The following HAVCR1 variants were observed in gnomAD, a reference collection of about 807,000 sequenced individuals.
The protein encoded by HAVCR1 is T cell immunoglobin domain and mucin domain protein 1.
A neutral mutation model predicts 32.0 loss-of-function variants in HAVCR1; 34 were observed. That is an observed-to-expected ratio of 1.06 (90% CI 0.81 to 1.42). The LOEUF is 1.42. Ranked by LOEUF, HAVCR1 falls within the 40% of genes most tolerant of loss-of-function variation. The probability of loss-of-function intolerance (pLI) is 0.00; values close to 1 mark genes in which losing one functional copy is unlikely to be tolerated. For synonymous variants in HAVCR1, 178 were observed against 170.3 expected (o/e 1.05, Z -0.35); for missense variants, 420 against 442.3 (o/e 0.95, Z 0.45).
chr5:157,038,637 A>G (rs1450779584), intron 6 of HAVCR1, among the ~76,000 whole-genome samples: 1 of 152,190 alleles, frequency 6.6e-6, no homozygotes, highest in Non-Finnish European at 1.5e-5. Flanking sequence ...GCTTGCTTAG[A>G]AGCGGCATAG....
At chr5:157,039,671 A>G (rs1318510905) in intron 6 of HAVCR1, among the ~76,000 whole-genome samples, 12 of 152,222 alleles carry the variant, frequency 7.9e-5, no homozygotes, top group Non-Finnish European at 1.6e-4. Flanking sequence ...CTTTACGGCA[A>G]TACGTGCACA....
At position 157,029,659 on chromosome 5, in the gene HAVCR1, G is replaced by A; in HGVS notation, c.*74C>T. 6.2e-7 allele frequency: 1 copy of A among 1,601,132 alleles called. No homozygotes were observed. Among genetic ancestry groups the A allele is most frequent in the Non-Finnish European group, 8.5e-7 (1 of 1,175,228 alleles). On this transcript the variant is annotated 3_prime_UTR_variant, in exon 9 of 9. Transcript: ENST00000523175. ...AGAAAAATTGTCTTGGGGTCTAAAAGACGTCTGATGTGCTGATGTCTGTTC... is the reference window on the plus strand; with the variant it reads ...AGAAAAATTGTCTTGGGGTCTAAAAAACGTCTGATGTGCTGATGTCTGTTC...
chr5:157,037,422 T>C, intron 6 of HAVCR1, 61 bp from the exon 7 acceptor site: 1 of 807,674 alleles, frequency 1.2e-6, no homozygotes, highest in Non-Finnish European at 2.1e-6. Flanking sequence ...GAGAAAACAT[T>C]TCCCAGAATC....
In HAVCR1 at chr5:157,047,565, A is replaced by G. The variant is rs202222796; in HGVS notation, c.781+1473T>C. Among the ~76,000 whole-genome samples, 119 of 149,638 alleles carry G rather than the reference A, an allele frequency of 8.0e-4. 4 individuals are homozygous for G. In the East Asian group the frequency reaches 0.021, roughly 27 times the overall value. On this transcript the variant is annotated intron_variant, in intron 5 of 8. Coordinates refer to ENST00000523175, the MANE Select transcript of HAVCR1 (RefSeq NM_001173393.3). The stretch of plus-strand genomic sequence containing the variant: ...AAGACTCCGTCTCAAAAAAAAAAAA[A>G]GTACAAGAAGACTAGGTTTTGAGAG...
At chr5:157,034,450 G>T (rs1238420398) in intron 7 of HAVCR1, among the ~76,000 whole-genome samples, 1 of 151,744 alleles carries the variant, frequency 6.6e-6, no homozygotes, top group Non-Finnish European at 1.5e-5. Context: ...TAGAATGTAT[G>T]ATCGGGTTTT....
In HAVCR1 at chr5:157,044,649, G is replaced by GAAAGAAAGAAAGAAAGAA. The variant is rs1561591504; in HGVS notation, c.782-1985_782-1968dup. Among the ~76,000 whole-genome samples, 11 of 117,566 alleles carry GAAAGAAAGAAAGAAAGAA rather than the reference G, an allele frequency of 9.4e-5. No individual in the cohort carries two copies. In the East Asian group the frequency reaches 1.3e-3, roughly 14 times the overall value. The allele number at this position is 117,566 out of a possible 152,430, so 77.1% of individuals were successfully genotyped here. On this transcript the variant is annotated intron_variant, in intron 5 of 8. Transcript: ENST00000523175. ...AGAAAGAAAGAAAGAAAGAAAGAAA[G>GAAAGAAAGAAAGAAAGAA]AAAGAAAGAAAGAAAGAAAGAAAGA...
intron 8 of HAVCR1, 122 bp from the exon 9 acceptor site, chr5:157,029,963 G>A (rs772606297): frequency 5.8e-6 from 4 of 686,218 alleles, no homozygotes; most frequent in Non-Finnish European, 9.7e-6. Context: ...CAGGAGCCCC[G>A]TTCACACAAA....
upstream of HAVCR1, among the ~76,000 whole-genome samples, chr5:157,059,983 G>C (rs945641081): frequency 7.3e-5 from 11 of 151,316 alleles, no homozygotes; most frequent in Admixed American, 4.6e-4. Context: ...TGTTTCTTAA[G>C]GAAAAAAAGA....
chr5:157,053,108 T>A (rs1233315467), intron 3 of HAVCR1, among the ~76,000 whole-genome samples: 1 of 152,098 alleles, frequency 6.6e-6, no homozygotes, highest in Admixed American at 6.5e-5. Flanking sequence ...TTGTAGAGAC[T>A]GGGCGTGGTG....
intron 8 of HAVCR1, among the ~76,000 whole-genome samples, chr5:157,030,985 G>GT (rs1441354253): frequency 6.7e-6 from 1 of 148,546 alleles, no homozygotes; most frequent in Non-Finnish European, 1.5e-5. Flanking sequence ...TCATGAAGAA[G>GT]TGTTCATAAT....
At chr5:157,053,805 G>A (rs1010229517) in intron 3 of HAVCR1, among the ~76,000 whole-genome samples, 1 of 151,802 alleles carries the variant, frequency 6.6e-6, no homozygotes, top group African/African-American at 2.4e-5. Flanking sequence ...AGGAGGCAGA[G>A]GTTGCAGTGA....
At chr5:157,037,728 A>C (rs1754620592) in intron 6 of HAVCR1, among the ~76,000 whole-genome samples, 1 of 152,176 alleles carries the variant, frequency 6.6e-6, no homozygotes, top group Non-Finnish European at 1.5e-5. Flanking sequence ...TTGTGATATT[A>C]AAAAAGAAAA....
At chr5:157,032,596 C>A (rs1754244343) in intron 8 of HAVCR1, among the ~76,000 whole-genome samples, 1 of 152,214 alleles carries the variant, frequency 6.6e-6, no homozygotes, top group Admixed American at 6.5e-5. Flanking sequence ...TCGAGCAAAT[C>A]TTGCAATTTA....
intron 6 of HAVCR1, among the ~76,000 whole-genome samples, chr5:157,039,445 T>A (rs1754731668): frequency 6.6e-6 from 1 of 152,136 alleles, no homozygotes; most frequent in Non-Finnish European, 1.5e-5. Flanking sequence ...ACCTCCTGGG[T>A]TGAAGCGATT....
intron 5 of HAVCR1, among the ~76,000 whole-genome samples, chr5:157,046,869 G>T (rs1008752857): frequency 1.6e-4 from 24 of 152,092 alleles, no homozygotes; most frequent in Non-Finnish European, 3.1e-4. Context: ...TGAAGGCGGG[G>T]CTCTCATGAC....
At chr5:157,067,508 TA>T in the HAVCR1 span, among the ~76,000 whole-genome samples, 1 of 151,920 alleles carries the variant, frequency 6.6e-6, no homozygotes, top group South Asian at 2.1e-4. Flanking sequence ...CTACAAAAAA[TA>T]AAAATAAAAA....
At chr5:157,052,735 A>C (rs1252812415) in intron 3 of HAVCR1, 81 bp from the exon 4 acceptor site, 3 of 1,153,608 alleles carry the variant, frequency 2.6e-6, no homozygotes, top group East Asian at 4.7e-5. Flanking sequence ...ACCCTAGCAC[A>C]CCAATGACAG....
At chr5:157,067,781 C>T in the HAVCR1 span, among the ~76,000 whole-genome samples, 16 of 152,110 alleles carry the variant, frequency 1.1e-4, no homozygotes, top group East Asian at 9.7e-4. Flanking sequence ...CTCCGCCTCC[C>T]GGGTTAAAGC....
chr5:157,055,126 C>T, intron 3 of HAVCR1, 75 bp downstream of exon 3: 1 of 771,596 alleles, frequency 1.3e-6, no homozygotes, highest in Non-Finnish European at 2.1e-6. Flanking sequence ...TCCTCTTTCC[C>T]TATTAAGAAA....
Sources: gnomAD v4.1 joint callset for allele counts (sites outside exome capture counted in the v4.1 genomes callset) on GRCh38, gnomAD v4.1.1 for gene constraint, MANE v1.5 for transcripts, NCBI Gene and HGNC (gene_info 2026-07-23, HGNC 2026-07-21) for gene names.